Variants in TOP1 observed in about 807,000 individuals in gnomAD.
The protein encoded by TOP1 is DNA topoisomerase 1.
Under a neutral mutation model 111.1 loss-of-function variants are expected in TOP1, and 10 were observed. That is an observed-to-expected ratio of 0.09 (90% CI 0.06 to 0.15). TOP1 has a LOEUF of 0.15. Among genes scored for constraint, TOP1 ranks in the 10% least tolerant of loss-of-function variants. The pLI is 1.00. For missense variants in TOP1, 474 were observed against 926.7 expected (o/e 0.51, Z 6.34); for synonymous variants, 271 against 302.9 (o/e 0.89, Z 1.10).
rs952243503 is a variant in TOP1, at chr20:41,034,311, T to C, written c.58+4856T>C. Among the ~76,000 whole-genome samples, 1 of 152,226 alleles carries C rather than the reference T, an allele frequency of 6.6e-6. No individual in the cohort carries two copies. Among genetic ancestry groups the C allele is most frequent in the African/African-American group, 2.4e-5 (1 of 41,446 alleles). ...ATTTCCATGCCTCATACATCTCAAG[T>C]TTGAGCAGCAGCTTTCCATCCCCAT... On this transcript the variant is annotated intron_variant, in intron 2 of 20. Transcript: ENST00000361337. The surrounding 1 kb of genome is among the most constrained non-coding windows in gnomAD (Gnocchi z 4.0).
At chr20:41,041,626 A>G (rs549066958) in intron 2 of TOP1, among the ~76,000 whole-genome samples, 1 of 152,182 alleles carries the variant, frequency 6.6e-6, no homozygotes, top group South Asian at 2.1e-4. Flanking sequence ...GATATGCCTA[A>G]AAGTCACCTG....
intron 14 of TOP1, 108 bp downstream of exon 14, chr20:41,113,033 A>T (rs1370798208): frequency 9.8e-6 from 11 of 1,124,924 alleles, no homozygotes; most frequent in African/African-American, 1.6e-5. Context: ...CTCAACATAC[A>T]TATATTTGTA....
rs2034323243 is a variant in TOP1 at position 41,115,995 on chromosome 20, C to A, written c.1708-283C>A. 6.6e-6 allele frequency among the ~76,000 whole-genome samples: 1 copy of A among 152,072 alleles called. No homozygotes were observed. Among genetic ancestry groups the A allele is most frequent in the African/African-American group, 2.4e-5 (1 of 41,400 alleles). ...GGAGCCTCAGAAGGATTGCATGAGC[C>A]CGGGAGGTGGAGGCAGCAGTGAACC... On this transcript the variant is annotated intron_variant, in intron 16 of 20. Coordinates refer to ENST00000361337, the MANE Select transcript of TOP1 (RefSeq NM_003286.4). The surrounding 1 kb of genome is among the most constrained non-coding windows in gnomAD (Gnocchi z 6.3).
rs182920106 is a variant in TOP1, at chr20:41,119,242, T to C, written c.1950+946T>C. 3.4e-4 allele frequency among the ~76,000 whole-genome samples: 52 copies of C among 152,382 alleles called. No individual in the cohort carries two copies. The East Asian group carries it at 4.8e-3, about 14-fold the overall frequency. On this transcript the variant is annotated intron_variant, in intron 18 of 20. Coordinates refer to ENST00000361337, the MANE Select transcript of TOP1 (RefSeq NM_003286.4). ...ATATGAAATGAAGATGTCTAACATC[T>C]ATTGATGATAAAGTCATAAGTGCTG...
rs539837224 is a variant in TOP1, at chr20:41,078,446, A to C, written c.335+809A>C. On this transcript the variant is annotated intron_variant, in intron 5 of 20. Coordinates refer to ENST00000361337, the MANE Select transcript of TOP1 (RefSeq NM_003286.4). The surrounding 1 kb of genome is among the most constrained non-coding windows in gnomAD (Gnocchi z 5.3). ...GAGTTTTGCTTCCTTGAATCTTTGA[A>C]CTTTCAGTTTCATTTGTTAAAATTT... Among the ~76,000 whole-genome samples the C allele has an allele frequency of 1.3e-5, 2 of 152,274 alleles. No homozygotes were observed. Among genetic ancestry groups the C allele is most frequent in the East Asian group, 3.9e-4 (2 of 5,184 alleles).
intron 18 of TOP1, among the ~76,000 whole-genome samples, chr20:41,120,943 G>T (rs868799753): frequency 3.9e-5 from 6 of 152,180 alleles, no homozygotes; most frequent in Middle Eastern, 6.8e-3. Context: ...GGGTTTCACC[G>T]TGTTAGCCAG....
rs1242248814 is a variant in TOP1 at position 41,046,411 on chromosome 20, G to C, written c.59-14983G>C. 6.6e-6 allele frequency among the ~76,000 whole-genome samples: 1 copy of C among 152,186 alleles called. No individual in the cohort carries two copies. Among genetic ancestry groups the C allele is most frequent in the Non-Finnish European group, 1.5e-5 (1 of 68,038 alleles). Reference sequence around the variant, plus strand: ...TTGTGATACAAAACAAGGTAAAGGGGGACCTGGGGTGACTTAGTTGCCTCC... The same window carrying C: ...TTGTGATACAAAACAAGGTAAAGGGCGACCTGGGGTGACTTAGTTGCCTCC... On this transcript the variant is annotated intron_variant, in intron 2 of 20. Coordinates refer to ENST00000361337, the MANE Select transcript of TOP1 (RefSeq NM_003286.4). The surrounding 1 kb of genome is among the most constrained non-coding windows in gnomAD (Gnocchi z 4.3).
rs190698102 is a variant in TOP1 at position 41,124,298 on chromosome 20, A to C, written c.*1001A>C. ...GTAATTGTGTAAAAAATGGAAAAAA[A>C]CATAAAAAGCAGAATTTTAATGTGA... On this transcript the variant is annotated 3_prime_UTR_variant, in exon 21 of 21. Coordinates refer to ENST00000361337, the MANE Select transcript of TOP1 (RefSeq NM_003286.4). The surrounding 1 kb of genome is among the most constrained non-coding windows in gnomAD (Gnocchi z 5.4). The C allele has an allele frequency of 6.4e-5, 15 of 233,042 alleles. No individual in the cohort carries two copies. The Admixed American group carries it at 7.3e-4, about 11-fold the overall frequency. The allele number at this position is 233,042 out of a possible 1,614,324, so 14.4% of individuals were successfully genotyped here.
At chr20:41,044,747 A>G (rs973296327) in intron 2 of TOP1, among the ~76,000 whole-genome samples, 6 of 152,334 alleles carry the variant, frequency 3.9e-5, no homozygotes, top group Middle Eastern at 3.4e-3. Flanking sequence ...GTGCTGTCCA[A>G]TATGGTAGCT....
rs2033991973 is a variant in TOP1 at position 41,097,072 on chromosome 20, T to G, written c.731-148T>G. ...CAAGTAGATATAAATCAGTATGTTG[T>G]CTTTGTTGTTGTTGCTACTATGTGT... is the stretch of plus-strand genomic sequence containing the variant. On this transcript the variant is annotated intron_variant, in intron 9 of 20. Transcript: ENST00000361337. This position sits in a 1 kb window ranked among gnomAD's most constrained non-coding sequence, Gnocchi z 4.2. 1.4e-6 allele frequency: 1 copy of G among 728,382 alleles called. No individual in the cohort carries two copies. Among genetic ancestry groups the G allele is most frequent in the African/African-American group, 1.8e-5 (1 of 55,816 alleles). 45.1% of individuals were successfully genotyped at this position (728,382 alleles called of 1,614,324 possible).
rs572198446 is a variant in TOP1, at chr20:41,116,028, T to C, written c.1708-250T>C. Among the ~76,000 whole-genome samples, 1 of 152,286 alleles carries C rather than the reference T, an allele frequency of 6.6e-6. No individual in the cohort carries two copies. Among genetic ancestry groups the C allele is most frequent in the African/African-American group, 2.4e-5 (1 of 41,564 alleles). The stretch of plus-strand genomic sequence containing the variant: ...TGGAGGCAGCAGTGAACCGAGATTG[T>C]ACCACTGCACTCCAGGCTGGGTGTC... On this transcript the variant is annotated intron_variant, in intron 16 of 20. Coordinates refer to ENST00000361337, the MANE Select transcript of TOP1 (RefSeq NM_003286.4). The surrounding 1 kb of genome is among the most constrained non-coding windows in gnomAD (Gnocchi z 5.6).
chr20:41,104,770 C>A (rs1334936744), intron 13 of TOP1, among the ~76,000 whole-genome samples: 1 of 152,186 alleles, frequency 6.6e-6, no homozygotes, highest in African/African-American at 2.4e-5. Context: ...GAAATGATTT[C>A]TTGAGCTTGC....
chr20:41,059,208 A>G (rs963251403), intron 2 of TOP1, among the ~76,000 whole-genome samples: 1 of 152,008 alleles, frequency 6.6e-6, no homozygotes, highest in East Asian at 1.9e-4. Context: ...CAGGAAACAT[A>G]ATTAGTGGGT....
intron 8 of TOP1, among the ~76,000 whole-genome samples, chr20:41,084,837 C>T (rs1400180425): frequency 1.3e-5 from 2 of 152,024 alleles, no homozygotes; most frequent in African/African-American, 2.4e-5. Flanking sequence ...ATTTAGCATA[C>T]GAAGAGAGTA....
chr20:41,120,538 G>C (rs2034406388), intron 18 of TOP1, among the ~76,000 whole-genome samples: 1 of 152,340 alleles, frequency 6.6e-6, no homozygotes, highest in Admixed American at 6.5e-5. Flanking sequence ...GTTATCCACT[G>C]CTGTCTCTAA....
chr20:41,055,653 A>G (rs1391655309), intron 2 of TOP1, among the ~76,000 whole-genome samples: 1 of 152,174 alleles, frequency 6.6e-6, no homozygotes, highest in Non-Finnish European at 1.5e-5. Context: ...ACCTGGACGT[A>G]AAGACTTTCT....
intron 13 of TOP1, among the ~76,000 whole-genome samples, chr20:41,111,536 C>A (rs1337061472): frequency 6.6e-6 from 1 of 151,672 alleles, no homozygotes; most frequent in Non-Finnish European, 1.5e-5. Flanking sequence ...GACATTCTTG[C>A]TCTAGGTATC....
At position 41,116,345 on chromosome 20, in the gene TOP1, A is replaced by G; in HGVS notation, c.1775A>G (p.Tyr592Cys). 1 of 1,613,868 alleles carries G rather than the reference A, an allele frequency of 6.2e-7. No individual in the cohort carries two copies. The highest frequency in any genetic ancestry group is 8.5e-7 in the Non-Finnish European group (1 of 1,180,044). Reference sequence around the variant, plus strand: ...TTGACAGCCAAGGTATTCCGTACATACAATGCCTCCATCACGCTACAGCAG... The same window carrying G: ...TTGACAGCCAAGGTATTCCGTACATGCAATGCCTCCATCACGCTACAGCAG... ...EGLTAKVFRT[Y>C]NASITLQQQL... is the part of the protein sequence containing the mutation. Residue 592 changes from tyrosine (Y) to cysteine (C), a missense_variant, in exon 17 of 21, where the codon TAC becomes TGC. By Grantham distance (194) the Tyr-to-Cys change is radical (BLOSUM62 -2). Transcript: ENST00000361337. This position sits in a 1 kb window ranked among gnomAD's most constrained non-coding sequence, Gnocchi z 5.6.
intron 8 of TOP1, among the ~76,000 whole-genome samples, chr20:41,089,046 A>T: frequency 2.8e-5 from 1 of 36,184 alleles, no homozygotes; most frequent in East Asian, 3.3e-3. Flanking sequence ...TTTTTTTGAG[A>T]CAGAGTCTCG....
Sources: gnomAD v4.1 joint callset for allele counts (sites outside exome capture counted in the v4.1 genomes callset) on GRCh38, gnomAD v4.1.1 for gene constraint, Gnocchi (gnomAD v3.1) non-coding constraint, MANE v1.5 for transcripts, NCBI Gene and HGNC (gene_info 2026-07-23, HGNC 2026-07-21) for gene names.